The following ARSG variants were observed in gnomAD, a reference collection of about 807,000 sequenced individuals.
ARSG encodes the protein ASG.
Under a neutral mutation model 50.5 loss-of-function variants are expected in ARSG, and 37 were observed. The ratio of observed to expected loss-of-function variants is 0.73; its 90% CI spans 0.56 to 0.96. The LOEUF is 0.96. ARSG is among the 50% of genes least tolerant of loss of function. The pLI is 0.00. For synonymous variants in ARSG, 225 were observed against 254.6 expected (o/e 0.88, Z 1.11); for missense variants, 629 against 675.3 (o/e 0.93, Z 0.76).
intron 1 of ARSG, among the ~76,000 whole-genome samples, chr17:68,273,212 T>TC (rs1449524966): frequency 1.4e-5 from 2 of 145,992 alleles, no homozygotes; most frequent in African/African-American, 5.2e-5. Flanking sequence ...TTCATTTCAT[T>TC]TTTTTTTTTT....
At chr17:68,387,564 CTGTG>C (rs952121776) in intron 9 of ARSG, among the ~76,000 whole-genome samples, 1 of 152,116 alleles carries the variant, frequency 6.6e-6, no homozygotes, top group Non-Finnish European at 1.5e-5. Flanking sequence ...CCTGGACAGG[CTGTG>C]TGTGTGTGTT....
intron 2 of ARSG, among the ~76,000 whole-genome samples, chr17:68,327,821 G>C (rs1218783105): frequency 6.6e-6 from 1 of 152,134 alleles, no homozygotes; most frequent in African/African-American, 2.4e-5. Flanking sequence ...CTGAGACTTG[G>C]GGCTACAAAA....
intron 8 of ARSG, among the ~76,000 whole-genome samples, chr17:68,379,054 C>T (rs1469788040): frequency 1.3e-5 from 2 of 152,078 alleles, no homozygotes; most frequent in South Asian, 2.1e-4. Flanking sequence ...AGTCAAACTG[C>T]GTCTCTTTCT....
chr17:68,304,249 AC>A (rs766672224), intron 1 of ARSG, among the ~76,000 whole-genome samples: 1 of 152,244 alleles, frequency 6.6e-6, no homozygotes, highest in Non-Finnish European at 1.5e-5. Context: ...CAGCAGGTCC[AC>A]AGGTGTTTGT....
intron 9 of ARSG, among the ~76,000 whole-genome samples, chr17:68,385,823 G>T (rs1254134450): frequency 6.6e-6 from 1 of 152,094 alleles, no homozygotes; most frequent in Non-Finnish European, 1.5e-5. Context: ...GGTGTCTTAG[G>T]GGTGGCTGTG....
intron 2 of ARSG, among the ~76,000 whole-genome samples, chr17:68,326,467 C>T (rs1411968532): frequency 6.6e-6 from 1 of 152,194 alleles, no homozygotes. Flanking sequence ...GAGTTTGAGA[C>T]CAGCCTGGCC....
At chr17:68,413,368 G>C (rs2082133313) in intron 11 of ARSG, among the ~76,000 whole-genome samples, 1 of 152,178 alleles carries the variant, frequency 6.6e-6, no homozygotes, top group Non-Finnish European at 1.5e-5. Flanking sequence ...AGGTCTGTTG[G>C]AGTACTGGGC....
chr17:68,274,082 GAACAA>G, intron 1 of ARSG: 1 of 1,608,896 alleles, frequency 6.2e-7, no homozygotes, highest in Non-Finnish European at 8.5e-7. Context: ...TGCCGGGAAA[GAACAA>G]AACGATATTT....
At chr17:68,421,591 C>CA (rs2082777600), downstream of ARSG, 1 of 745,458 alleles carries the variant, frequency 1.3e-6, no homozygotes, top group Admixed American at 2.3e-5. Context: ...CGCCCATTGG[C>CA]AACCAGGGTC....
At chr17:68,272,373 A>G (rs2075371013) in intron 1 of ARSG, among the ~76,000 whole-genome samples, 1 of 152,250 alleles carries the variant, frequency 6.6e-6, no homozygotes, top group African/African-American at 2.4e-5. Context: ...TTACTAGATT[A>G]TTCTGGAATG....
chr17:68,389,930 T>C (rs1462027196), intron 9 of ARSG, among the ~76,000 whole-genome samples: 1 of 151,994 alleles, frequency 6.6e-6, no homozygotes, highest in East Asian at 1.9e-4. Flanking sequence ...CACTCCCCTT[T>C]ACCTACCCCC....
chr17:68,394,945 A>G, intron 9 of ARSG, 128 bp from the exon 10 acceptor site: 1 of 1,324,182 alleles, frequency 7.6e-7, no homozygotes, highest in Non-Finnish European at 1.0e-6. Context: ...GCAGGTAGAG[A>G]AGTTAAGCCA....
chr17:68,342,112 G>A (rs769980014), intron 2 of ARSG, among the ~76,000 whole-genome samples: 3 of 151,670 alleles, frequency 2.0e-5, no homozygotes, highest in Non-Finnish European at 4.4e-5. Flanking sequence ...GAACCACTAC[G>A]CCCGACCTCA....
the ARSG span, chr17:68,451,008 C>A: frequency 7.1e-7 from 1 of 1,416,176 alleles, no homozygotes; most frequent in Non-Finnish European, 9.4e-7. Flanking sequence ...TTCTCCGGGT[C>A]TTGCCGGCCA....
rs16972915 is a variant in ARSG, at chr17:68,381,667, C to T, written c.983-3397C>T. Among the ~76,000 whole-genome samples the T allele has an allele frequency of 0.075, 11,346 of 152,224 alleles. 563 individuals carry two copies. Among genetic ancestry groups the T allele is most frequent in the Admixed American group, 0.15 (2,303 of 15,290 alleles). On this transcript the variant is annotated intron_variant, in intron 8 of 11. Coordinates refer to ENST00000621439, the MANE Select transcript of ARSG (RefSeq NM_001267727.2). The surrounding 1 kb of genome is among the most constrained non-coding windows in gnomAD (Gnocchi z 4.1). ...CTATTAGCTACATTTAACTTTGAAA[C>T]GTGCTGTGTTCTCTTCCCGATCTTG...
chr17:68,348,037 C>T (rs1293601965), intron 4 of ARSG, among the ~76,000 whole-genome samples: 1 of 152,196 alleles, frequency 6.6e-6, no homozygotes, highest in African/African-American at 2.4e-5. Flanking sequence ...CTGGAGCCAG[C>T]CTTCAGCAGG....
intron 1 of ARSG, among the ~76,000 whole-genome samples, chr17:68,295,612 G>C (rs1890875413): frequency 1.3e-5 from 2 of 151,022 alleles, no homozygotes. Flanking sequence ...AGGATTGCTT[G>C]AAGACCAAAC....
intron 1 of ARSG, among the ~76,000 whole-genome samples, chr17:68,293,976 A>G (rs2076115609): frequency 6.6e-6 from 1 of 152,202 alleles, no homozygotes; most frequent in Non-Finnish European, 1.5e-5. Context: ...TCTCCAGAGA[A>G]AGCACTGCAT....
the ARSG span, chr17:68,429,953 A>G: frequency 6.2e-7 from 1 of 1,609,910 alleles, no homozygotes; most frequent in Non-Finnish European, 8.5e-7. Flanking sequence ...AAATACATTG[A>G]CGAAAGTGTG....
Sources: gnomAD v4.1 joint callset for allele counts (sites outside exome capture counted in the v4.1 genomes callset) on GRCh38, gnomAD v4.1.1 for gene constraint, Gnocchi (gnomAD v3.1) non-coding constraint, MANE v1.5 for transcripts, NCBI Gene and HGNC (gene_info 2026-07-23, HGNC 2026-07-21) for gene names.